GRM7: variants seen among roughly 807,000 people sequenced by gnomAD.
GRM7 encodes glutamate metabotropic receptor 7.
Under a neutral mutation model 84.5 loss-of-function variants are expected in GRM7, and 35 were observed. That is an observed-to-expected ratio of 0.41 (90% CI 0.32 to 0.55). GRM7 has a LOEUF of 0.55. GRM7 is among the 20% of genes least tolerant of loss of function. GRM7 has a pLI of 0.19. For missense variants in GRM7, 1,003 were observed against 1,194.6 expected (o/e 0.84, Z 2.36); for synonymous variants, 487 against 455.1 (o/e 1.07, Z -0.89).
chr3:7,291,408 T>C (rs1699615161), intron 2 of GRM7, among the ~76,000 whole-genome samples: 1 of 152,088 alleles, frequency 6.6e-6, no homozygotes, highest in African/African-American at 2.4e-5. Flanking sequence ...GTCATCCTTT[T>C]GCTGTGGCCT....
rs796240021 is a variant in GRM7 at position 7,665,178 on chromosome 3, T to C, written c.2452-14871T>C. 8.4e-4 allele frequency among the ~76,000 whole-genome samples: 124 copies of C among 148,234 alleles called. 2 individuals are homozygous for C. In the South Asian group the frequency reaches 0.025, roughly 29 times the overall value. On this transcript the variant is annotated intron_variant, in intron 8 of 9. Coordinates refer to ENST00000357716, the MANE Select transcript of GRM7 (RefSeq NM_000844.4). ...TGTTTGCCCATGATTCTTTTTTTTT[T>C]TTTTTTTTTTTGAGACGGAGTCTCA... is the stretch of plus-strand genomic sequence containing the variant.
chr3:6,940,690 T>C (rs558940585), intron 1 of GRM7, among the ~76,000 whole-genome samples: 44 of 152,330 alleles, frequency 2.9e-4, no homozygotes, highest in African/African-American at 1.1e-3. Flanking sequence ...TTTTTACAAG[T>C]ATGTCATAGT....
In GRM7 at chr3:6,996,548, G is replaced by A. The variant is rs548239313; in HGVS notation, c.519+134641G>A. 4.9e-4 allele frequency among the ~76,000 whole-genome samples: 74 copies of A among 152,190 alleles called. 1 individual carries two copies. In the South Asian group the frequency reaches 0.015, roughly 30 times the overall value. ...TACTATTGGGAGTTTGCTCCTGAAC[G>A]CTGTTTTCTAAAAACATGCTTCTTT... On this transcript the variant is annotated intron_variant, in intron 1 of 9. Transcript: ENST00000357716.
chr3:7,694,997 C>T (rs1212141697), intron 9 of GRM7, among the ~76,000 whole-genome samples: 1 of 152,156 alleles, frequency 6.6e-6, no homozygotes, highest in Non-Finnish European at 1.5e-5. Flanking sequence ...ATAAGAAACA[C>T]ATGCAATACG....
intron 1 of GRM7, among the ~76,000 whole-genome samples, chr3:7,089,731 G>C (rs1698595674): frequency 6.6e-6 from 1 of 152,180 alleles, no homozygotes; most frequent in Admixed American, 6.5e-5. Context: ...CAAAGAGAAA[G>C]ATACCAAGAA....
intron 2 of GRM7, among the ~76,000 whole-genome samples, chr3:7,241,555 A>C (rs2124921941): frequency 6.6e-6 from 1 of 152,270 alleles, no homozygotes; most frequent in East Asian, 1.9e-4. Context: ...CTTTTGTATT[A>C]CATAAAATCA....
chr3:6,878,926 C>T (rs780846513), intron 1 of GRM7, among the ~76,000 whole-genome samples: 14 of 152,132 alleles, frequency 9.2e-5, no homozygotes, highest in Non-Finnish European at 1.5e-4. Context: ...TATCACTGGT[C>T]CAATGACCAC....
chr3:7,435,627 C>T (rs1697013155), intron 5 of GRM7, among the ~76,000 whole-genome samples: 1 of 151,342 alleles, frequency 6.6e-6, no homozygotes, highest in African/African-American at 2.4e-5. Context: ...ATTCTCCTGC[C>T]TCAGCCTACC....
At chr3:7,449,375 G>A (rs1023968162) in intron 5 of GRM7, among the ~76,000 whole-genome samples, 7 of 152,086 alleles carry the variant, frequency 4.6e-5, no homozygotes, top group Non-Finnish European at 4.4e-5. Flanking sequence ...TTCAACTTCA[G>A]CAAGGCTTCT....
intron 7 of GRM7, among the ~76,000 whole-genome samples, chr3:7,515,228 A>G (rs984771826): frequency 1.3e-4 from 19 of 146,890 alleles, no homozygotes; most frequent in African/African-American, 3.8e-4. Context: ...AAAAAAAAAA[A>G]GACATCAAAT....
At chr3:7,467,205 A>G (rs1263858341) in intron 7 of GRM7, among the ~76,000 whole-genome samples, 1 of 152,100 alleles carries the variant, frequency 6.6e-6, no homozygotes, top group Non-Finnish European at 1.5e-5. Context: ...CTCATGCCTC[A>G]GCCTCCTGAG....
intron 1 of GRM7, among the ~76,000 whole-genome samples, chr3:7,017,022 G>C (rs2124905254): frequency 6.6e-6 from 1 of 152,312 alleles, no homozygotes; most frequent in East Asian, 1.9e-4. Context: ...TTGAAGCAGA[G>C]TCTGCATTTT....
intron 9 of GRM7, among the ~76,000 whole-genome samples, chr3:7,709,920 A>T (rs1701522998): frequency 6.6e-6 from 1 of 152,068 alleles, no homozygotes; most frequent in African/African-American, 2.4e-5. Context: ...TCAGCCTTGG[A>T]ATGCACATTA....
In GRM7 at chr3:7,581,988, T is replaced by C. The variant is rs192828806; in HGVS notation, c.2451+2631T>C. Among the ~76,000 whole-genome samples, 157 of 152,288 alleles carry C rather than the reference T, an allele frequency of 1.0e-3. No individual in the cohort carries two copies. The East Asian group carries it at 0.019, about 19-fold the overall frequency. ...GACTTCTAGAATGAGCATCTTGCCA[T>C]GTGGCCAGGGATGGAAGTGGTGAAC... is the stretch of plus-strand genomic sequence containing the variant. On this transcript the variant is annotated intron_variant, in intron 8 of 9. Coordinates refer to ENST00000357716, the MANE Select transcript of GRM7 (RefSeq NM_000844.4).
At chr3:7,597,217 G>C (rs1035689590) in intron 8 of GRM7, among the ~76,000 whole-genome samples, 1 of 152,018 alleles carries the variant, frequency 6.6e-6, no homozygotes, top group Non-Finnish European at 1.5e-5. Flanking sequence ...GGCAGGAGGA[G>C]GAGCAAAAGA....
chr3:7,365,705 A>G (rs1693860875), intron 4 of GRM7, among the ~76,000 whole-genome samples: 2 of 148,486 alleles, frequency 1.3e-5, no homozygotes, highest in East Asian at 2.0e-4. Context: ...ACACATATAT[A>G]TGGGTATATA....
rs58178956 is a variant in GRM7 at position 7,566,103 on chromosome 3, G to GT, written c.1516-12290dup. ...TGTTTTCTTTGGCTCTGAATCAGCT[G>GT]TTTTTTTTTTTTTTTTTTTTTTTTT... is the stretch of plus-strand genomic sequence containing the variant. On this transcript the variant is annotated intron_variant, in intron 7 of 9. Coordinates refer to ENST00000357716, the MANE Select transcript of GRM7 (RefSeq NM_000844.4). 3.1e-3 allele frequency among the ~76,000 whole-genome samples: 405 copies of GT among 129,842 alleles called. 18 individuals are homozygous for GT. Among genetic ancestry groups the GT allele is most frequent in the South Asian group, 5.2e-3 (20 of 3,850 alleles). The allele number at this position is 129,842 out of a possible 152,430, so 85.2% of individuals were successfully genotyped here.
chr3:7,417,309 A>G (rs1405741675), intron 5 of GRM7, among the ~76,000 whole-genome samples: 1 of 152,056 alleles, frequency 6.6e-6, no homozygotes, highest in African/African-American at 2.4e-5. Flanking sequence ...ATGGAGGTAG[A>G]TACTGTTACC....
At chr3:7,510,115 C>A (rs1018820935) in intron 7 of GRM7, among the ~76,000 whole-genome samples, 2 of 152,004 alleles carry the variant, frequency 1.3e-5, no homozygotes, top group Admixed American at 6.6e-5. Flanking sequence ...AGCTTTAAAC[C>A]CCCACTTTGA....
Sources: gnomAD v4.1 joint callset for allele counts (sites outside exome capture counted in the v4.1 genomes callset) on GRCh38, gnomAD v4.1.1 for gene constraint, MANE v1.5 for transcripts, NCBI Gene and HGNC (gene_info 2026-07-23, HGNC 2026-07-21) for gene names.